The following WDFY1 variants were observed in gnomAD, a reference collection of about 807,000 sequenced individuals.
WDFY1 encodes WD repeat and FYVE domain containing 1.
Under a neutral mutation model 56.4 loss-of-function variants are expected in WDFY1, and 32 were observed. The ratio of observed to expected loss-of-function variants is 0.57; its 90% CI spans 0.43 to 0.76. WDFY1 has a LOEUF of 0.76. Ranked by LOEUF, WDFY1 falls within the 30% of genes least tolerant of loss-of-function variation. WDFY1 has a pLI of 0.00. For synonymous variants in WDFY1, 192 were observed against 197.3 expected (o/e 0.97, Z 0.23); for missense variants, 480 against 545.7 (o/e 0.88, Z 1.20).
chr2:223,909,201 G>A (rs950964501), intron 3 of WDFY1, among the ~76,000 whole-genome samples: 1 of 152,160 alleles, frequency 6.6e-6, no homozygotes, highest in Non-Finnish European at 1.5e-5. Context: ...TGATTCCGAA[G>A]CTCTAGGTCT....
intron 1 of WDFY1, among the ~76,000 whole-genome samples, chr2:223,934,092 T>C (rs74669584): frequency 0.79 from 111,015 of 139,698 alleles, 44,824 homozygotes; most frequent in Non-Finnish European, 0.89. Context: ...TTTTTTTTTT[T>C]TTTTTTTTTT....
intron 5 of WDFY1, 65 bp from the exon 6 acceptor site, chr2:223,899,135 C>T (rs1693457332): frequency 7.7e-7 from 1 of 1,300,660 alleles, no homozygotes; most frequent in African/African-American, 1.5e-5. Flanking sequence ...AAGAGAGATA[C>T]CAGCATTAGT....
At chr2:223,882,156 C>T in intron 9 of WDFY1, 84 bp from the exon 10 acceptor site, 1 of 1,490,442 alleles carries the variant, frequency 6.7e-7, no homozygotes, top group Middle Eastern at 2.4e-4. Context: ...ACTCTGTCAC[C>T]CAGGCTGGAG....
chr2:223,897,655 C>T (rs1403416019), intron 6 of WDFY1, among the ~76,000 whole-genome samples: 1 of 152,014 alleles, frequency 6.6e-6, no homozygotes, highest in African/African-American at 2.4e-5. Flanking sequence ...GCTGGGATTA[C>T]AGGTGTAAGC....
At chr2:223,918,736 G>A (rs779750580) in intron 1 of WDFY1, among the ~76,000 whole-genome samples, 5 of 152,200 alleles carry the variant, frequency 3.3e-5, no homozygotes, top group Non-Finnish European at 7.3e-5. Flanking sequence ...GCACTTGGTG[G>A]TTGACCGTCT....
At chr2:223,882,929 A>T (rs1693100642) in intron 9 of WDFY1, among the ~76,000 whole-genome samples, 1 of 152,026 alleles carries the variant, frequency 6.6e-6, no homozygotes, top group Non-Finnish European at 1.5e-5. Flanking sequence ...GGGTCTTGCT[A>T]TGTTGTCCAG....
rs770162056 is a variant in WDFY1 at position 223,917,888 on chromosome 2, A to C, written c.205+55T>G. 642 of 1,602,870 alleles carry C rather than the reference A, an allele frequency of 4.0e-4. 2 individuals are homozygous for C. Among genetic ancestry groups the C allele is most frequent in the Non-Finnish European group, 5.1e-4 (593 of 1,172,096 alleles). On this transcript the variant is annotated intron_variant, in intron 2 of 11. Coordinates refer to ENST00000233055, the MANE Select transcript of WDFY1 (RefSeq NM_020830.5). Reference sequence around the variant, plus strand: ...TGCTCAGCCGACATTTTGAAATTTAAATCATCAAAAACATTAGAGACATTT... The same window carrying C: ...TGCTCAGCCGACATTTTGAAATTTACATCATCAAAAACATTAGAGACATTT...
intron 1 of WDFY1, among the ~76,000 whole-genome samples, chr2:223,943,694 A>C (rs953382716): frequency 1.6e-4 from 24 of 152,240 alleles, no homozygotes; most frequent in Non-Finnish European, 3.2e-4. Context: ...AAAGCTACTG[A>C]CATTGTAAAC....
At chr2:223,944,185 GAGT>G (rs776837838) in intron 1 of WDFY1, among the ~76,000 whole-genome samples, 14 of 152,352 alleles carry the variant, frequency 9.2e-5, no homozygotes, top group East Asian at 3.9e-4. Flanking sequence ...TGAAATCCCT[GAGT>G]ACAGGGGGAG....
intron 8 of WDFY1, among the ~76,000 whole-genome samples, chr2:223,892,011 G>A (rs999705139): frequency 1.1e-4 from 16 of 152,072 alleles, no homozygotes; most frequent in African/African-American, 3.9e-4. Context: ...AGTTTTGCTC[G>A]TCGCCCAGGT....
At chr2:223,921,367 T>C (rs1424497565) in intron 1 of WDFY1, among the ~76,000 whole-genome samples, 2 of 152,044 alleles carry the variant, frequency 1.3e-5, no homozygotes, top group Non-Finnish European at 1.5e-5. Context: ...ACAGAGGACA[T>C]GGGAACATAC....
chr2:223,898,079 T>C (rs1258192697), intron 6 of WDFY1, among the ~76,000 whole-genome samples: 2 of 152,160 alleles, frequency 1.3e-5, no homozygotes, highest in Admixed American at 1.3e-4. Context: ...TGAAACCTCT[T>C]TATTACACAT....
At position 223,875,998 on chromosome 2, in the gene WDFY1, A is replaced by G. The variant is rs1692963759; in HGVS notation, c.*2673T>C. 1 of 152,164 alleles carries G rather than the reference A, an allele frequency of 6.6e-6. No homozygotes were observed. The highest frequency in any genetic ancestry group is 1.5e-5 in the Non-Finnish European group (1 of 68,026). The allele number at this position is 152,164 out of a possible 1,614,324, so 9.4% of individuals were successfully genotyped here. On this transcript the variant is annotated 3_prime_UTR_variant, in exon 12 of 12. Coordinates refer to ENST00000233055, the MANE Select transcript of WDFY1 (RefSeq NM_020830.5). ...CATTCTAGAGCAATAGTATTTCTTTATATCCTTTAGGTAGCAGGACAGAGC... is the reference window on the plus strand; with the variant it reads ...CATTCTAGAGCAATAGTATTTCTTTGTATCCTTTAGGTAGCAGGACAGAGC...
chr2:223,945,162 C>G lies in WDFY1; in HGVS notation c.123G>C (p.Thr41=). 1 of 1,595,612 alleles carries G rather than the reference C, an allele frequency of 6.3e-7. No homozygotes were observed. Residue 41 remains threonine, a synonymous_variant, in exon 1 of 12, where the codon ACG becomes ACC. Transcript: ENST00000233055. ...LLIPKEDGVI[T]ASEDRTIRVW... ...CCGGGCCCTACCTGTCCTCGCTGGC[C>G]GTGATCACGCCGTCCTCCTTGGGGA...
Position 223,918,024 on chromosome 2 carries a change from A to G in WDFY1, c.138-14T>C. ...ACCCGGATGGTTCTGTGGAGAAAAG[A>G]AAAGAAAAAATAGAGTAGGTTTTAG... On this transcript the variant is annotated splice_polypyrimidine_tract_variant and intron_variant, in intron 1 of 11. Coordinates refer to ENST00000233055, the MANE Select transcript of WDFY1 (RefSeq NM_020830.5). 6.2e-7 allele frequency: 1 copy of G among 1,612,104 alleles called. No individual in the cohort carries two copies. Among genetic ancestry groups the G allele is most frequent in the Non-Finnish European group, 8.5e-7 (1 of 1,179,540 alleles).
chr2:223,887,311 CG>C (rs1693189302), intron 8 of WDFY1, among the ~76,000 whole-genome samples: 1 of 152,052 alleles, frequency 6.6e-6, no homozygotes, highest in Non-Finnish European at 1.5e-5. Flanking sequence ...CATGCCCAAG[CG>C]TAACTCTTGC....
At chr2:223,920,090 C>T (rs190141171) in intron 1 of WDFY1, among the ~76,000 whole-genome samples, 1 of 152,346 alleles carries the variant, frequency 6.6e-6, no homozygotes, top group African/African-American at 2.4e-5. Flanking sequence ...GAAAGCTGTG[C>T]GGCTGGTGGC....
chr2:223,885,315 C>T lies in WDFY1; in HGVS notation c.832-566G>A, dbSNP rs150577159. 7.1e-3 allele frequency among the ~76,000 whole-genome samples: 1,087 copies of T among 152,144 alleles called. 16 individuals are homozygous for T. The highest frequency in any genetic ancestry group is 0.025 in the African/African-American group (1,047 of 41,500). ...AAATGATCCTCCTGCCTCAGCCTCC[C>T]GAATAGCTGGGACCACAGGTGAGTG... On this transcript the variant is annotated intron_variant, in intron 8 of 11. Coordinates refer to ENST00000233055, the MANE Select transcript of WDFY1 (RefSeq NM_020830.5).
chr2:223,920,340 G>T (rs1165329277), intron 1 of WDFY1, among the ~76,000 whole-genome samples: 2 of 152,214 alleles, frequency 1.3e-5, no homozygotes, highest in Non-Finnish European at 2.9e-5. Context: ...GGCCCATGAG[G>T]GCTGCACAGT....
Sources: allele counts gnomAD v4.1 joint callset (sites outside exome capture counted in the v4.1 genomes callset), GRCh38; gene constraint gnomAD v4.1.1; transcripts MANE v1.5; gene names NCBI Gene and HGNC (gene_info 2026-07-23, HGNC 2026-07-21).